The following AOPEP variants were observed in gnomAD, a reference collection of about 807,000 sequenced individuals.
The protein encoded by AOPEP is aminopeptidase O.
In AOPEP, 77 loss-of-function variants were observed where a neutral mutation model predicts 98.1. The observed-to-expected ratio is 0.78, with a 90% CI of 0.65 to 0.95. AOPEP has a LOEUF of 0.95. Ranked by LOEUF, AOPEP falls within the 40% of genes least tolerant of loss-of-function variation. The pLI is 0.00. For missense variants in AOPEP, 1,024 were observed against 1,024.7 expected, an observed-to-expected ratio of 1.00 and a Z score of 0.01; for synonymous variants, 346 against 365.3, an observed-to-expected ratio of 0.95 and a Z score of 0.60.
At chr9:95,107,095 G>A in the AOPEP span, 3 of 1,614,216 alleles carry the variant, frequency 1.9e-6, no homozygotes, top group Non-Finnish European at 2.5e-6. Flanking sequence ...GCGATCGTGT[G>A]GCCTCCAGGA....
At chr9:95,069,803 T>C (rs2068293558) in intron 14 of AOPEP, among the ~76,000 whole-genome samples, 1 of 152,364 alleles carries the variant, frequency 6.6e-6, no homozygotes, top group African/African-American at 2.4e-5. Context: ...AGCACATTGC[T>C]GCTGCTTTAG....
intron 14 of AOPEP, among the ~76,000 whole-genome samples, chr9:95,061,776 C>G (rs1002213325): frequency 5.9e-5 from 9 of 152,152 alleles, no homozygotes; most frequent in Non-Finnish European, 1.3e-4. Context: ...CATTTTAAAG[C>G]CCCATAAACT....
intron 3 of AOPEP, among the ~76,000 whole-genome samples, chr9:94,785,163 G>A (rs1324566039): frequency 6.6e-6 from 1 of 151,848 alleles, no homozygotes; most frequent in Non-Finnish European, 1.5e-5. Flanking sequence ...TCAAACTCCC[G>A]ATCTCAGGTG....
At chr9:94,756,953 A>G (rs1837199035) in intron 1 of AOPEP, among the ~76,000 whole-genome samples, 1 of 152,188 alleles carries the variant, frequency 6.6e-6, no homozygotes, top group African/African-American at 2.4e-5. Flanking sequence ...ACAGTAAGCC[A>G]TGTTCTCCAG....
intron 13 of AOPEP, among the ~76,000 whole-genome samples, chr9:95,034,885 T>G (rs2064648651): frequency 6.6e-6 from 1 of 152,220 alleles, no homozygotes; most frequent in Admixed American, 6.5e-5. Context: ...GGATTCAGGT[T>G]TTGTTATGAA....
chr9:94,932,895 C>T, intron 7 of AOPEP: 1 of 985,440 alleles, frequency 1.0e-6, no homozygotes, highest in Non-Finnish European at 1.2e-6. Flanking sequence ...CTAGCCTTCT[C>T]AGCCTTCATT....
At chr9:94,888,995 C>T (rs1157483073) in intron 5 of AOPEP, among the ~76,000 whole-genome samples, 1 of 152,040 alleles carries the variant, frequency 6.6e-6, no homozygotes, top group Non-Finnish European at 1.5e-5. Flanking sequence ...AGAGCTCTAG[C>T]GGCGGCTTCC....
chr9:94,778,536 C>G (rs1390594546), intron 3 of AOPEP, among the ~76,000 whole-genome samples: 1 of 151,978 alleles, frequency 6.6e-6, no homozygotes, highest in Non-Finnish European at 1.5e-5. Flanking sequence ...CTGAATGACC[C>G]TTTTTATATG....
intron 1 of AOPEP, among the ~76,000 whole-genome samples, chr9:94,744,816 A>G (rs1052036214): frequency 6.6e-6 from 1 of 152,264 alleles, no homozygotes; most frequent in South Asian, 2.1e-4. Flanking sequence ...TATGAAAAAT[A>G]CAGATACAGT....
At chr9:94,812,874 C>T (rs1157891464) in intron 5 of AOPEP, among the ~76,000 whole-genome samples, 1 of 151,918 alleles carries the variant, frequency 6.6e-6, no homozygotes, top group Non-Finnish European at 1.5e-5. Context: ...GTGGTGTAGA[C>T]CTAAAAGGAA....
intron 5 of AOPEP, among the ~76,000 whole-genome samples, chr9:94,921,836 G>A (rs2053656101): frequency 6.6e-6 from 1 of 152,130 alleles, no homozygotes; most frequent in Non-Finnish European, 1.5e-5. Flanking sequence ...CATTTGTATG[G>A]TTAAACGCCC....
intron 14 of AOPEP, among the ~76,000 whole-genome samples, chr9:95,079,456 G>T (rs1352150301): frequency 6.6e-6 from 1 of 152,238 alleles, no homozygotes; most frequent in Non-Finnish European, 1.5e-5. Context: ...TCACTTCTAT[G>T]TATGGCTGAT....
intron 1 of AOPEP, among the ~76,000 whole-genome samples, chr9:94,737,408 C>T (rs1221841099): frequency 6.6e-6 from 1 of 152,180 alleles, no homozygotes; most frequent in African/African-American, 2.4e-5. Context: ...CTGTGCCCAG[C>T]CCAGTTTTTC....
intron 2 of AOPEP, among the ~76,000 whole-genome samples, chr9:94,768,063 ATTAG>A (rs1357347640): frequency 6.6e-6 from 1 of 152,214 alleles, no homozygotes; most frequent in African/African-American, 2.4e-5. Flanking sequence ...TATAAAAAAG[ATTAG>A]TGCAGAAAGA....
chr9:94,847,152 A>ACACACACACACACTCACT (rs1448564968), intron 5 of AOPEP, among the ~76,000 whole-genome samples: 1 of 140,476 alleles, frequency 7.1e-6, no homozygotes, highest in Non-Finnish European at 1.6e-5. Context: ...ACACACACAC[A>ACACACACACACACTCACT]CTCTCTCTGT....
intron 10 of AOPEP, among the ~76,000 whole-genome samples, chr9:94,975,267 A>G (rs1021171028): frequency 3.9e-5 from 6 of 152,070 alleles, no homozygotes; most frequent in African/African-American, 1.5e-4. Context: ...AGTAATAATA[A>G]TAATATTGGT....
In AOPEP at chr9:94,800,867, G is replaced by T; in HGVS notation, c.1229G>T (p.Gly410Val). The change falls in exon 5 of 17, where the codon GGT (glycine) becomes GTT (valine). Residue 410 changes from glycine (G) to valine (V), a missense_variant. This residue lies in a region of AOPEP where 566 missense variants were observed against 551.7 expected (regional missense o/e 1.03). Transcript: ENST00000375315. ...GTCTTTGCCCCTGTGTGCCTCACGG[G>T]TGCCTGCCAAGAGACCCTTCTGCGG... ...HRVFAPVCLT[G>V]ACQETLLRLI... is the part of the protein sequence containing the mutation. 1 of 1,614,110 alleles carries T rather than the reference G, an allele frequency of 6.2e-7. No homozygotes were observed.
chr9:94,827,735 A>C (rs1440181202), intron 5 of AOPEP, among the ~76,000 whole-genome samples: 1 of 152,228 alleles, frequency 6.6e-6, no homozygotes, highest in African/African-American at 2.4e-5. Flanking sequence ...GAAAAAAGCA[A>C]ATAGAGATAA....
chr9:94,989,343 C>G (rs1465755210), intron 11 of AOPEP, among the ~76,000 whole-genome samples: 1 of 151,984 alleles, frequency 6.6e-6, no homozygotes, highest in Non-Finnish European at 1.5e-5. Context: ...ACCTCGAGAT[C>G]CGCCCACCTT....
Sources: gnomAD v4.1 joint callset for allele counts (sites outside exome capture counted in the v4.1 genomes callset) on GRCh38, gnomAD v4.1.1 for gene constraint, gnomAD v4.1.1 regional missense constraint, MANE v1.5 for transcripts, NCBI Gene and HGNC (gene_info 2026-07-23, HGNC 2026-07-21) for gene names.